Variants in TACR3 observed in about 807,000 individuals in gnomAD.
TACR3 encodes neuromedin-K receptor.
TACR3 carries 34 observed loss-of-function variants against 35.0 expected under a neutral mutation model. The ratio of observed to expected loss-of-function variants is 0.97; its 90% confidence interval spans 0.74 to 1.30. The LOEUF (loss-of-function observed/expected upper bound fraction) is 1.30, where lower values mean the gene tolerates loss of function less well. Among genes scored for constraint, TACR3 ranks in the 50% most tolerant of loss-of-function variants. The pLI is 0.00. For synonymous variants in TACR3, 233 were observed against 221.1 expected (o/e 1.05, Z -0.48); for missense variants, 558 against 591.7 (o/e 0.94, Z 0.59).
intron 1 of TACR3, among the ~76,000 whole-genome samples, chr4:103,679,297 T>G (rs1726238312): frequency 1.3e-5 from 2 of 152,036 alleles, no homozygotes; most frequent in Non-Finnish European, 2.9e-5. Context: ...TAGAACTGTG[T>G]GTATTTCTTT....
At chr4:103,598,304 G>GT (rs1276093389) in intron 3 of TACR3, among the ~76,000 whole-genome samples, 2 of 151,918 alleles carry the variant, frequency 1.3e-5, no homozygotes, top group African/African-American at 4.8e-5. Context: ...GAGGTTGTTT[G>GT]TTTTTTTCTT....
At chr4:103,655,796 A>T (rs1168656109) in intron 3 of TACR3, among the ~76,000 whole-genome samples, 2 of 152,100 alleles carry the variant, frequency 1.3e-5, no homozygotes, top group African/African-American at 2.4e-5. Flanking sequence ...TCTAGAAGAG[A>T]TGTCATTCCT....
At chr4:103,648,525 T>G (rs1725507811) in intron 3 of TACR3, among the ~76,000 whole-genome samples, 2 of 152,056 alleles carry the variant, frequency 1.3e-5, no homozygotes, top group African/African-American at 4.8e-5. Context: ...CACACGTAAG[T>G]GGGACCATAC....
chr4:103,638,616 T>C (rs1725256218), intron 3 of TACR3, among the ~76,000 whole-genome samples: 2 of 152,100 alleles, frequency 1.3e-5, no homozygotes, highest in African/African-American at 4.8e-5. Flanking sequence ...AAAAAGCTTC[T>C]ACACAGCAAA....
intron 3 of TACR3, among the ~76,000 whole-genome samples, chr4:103,629,169 C>A (rs1045592096): frequency 6.6e-6 from 1 of 152,054 alleles, no homozygotes; most frequent in Non-Finnish European, 1.5e-5. Flanking sequence ...TATGACAAAC[C>A]CACAGCCAAT....
At chr4:103,647,861 G>A (rs569031010) in intron 3 of TACR3, among the ~76,000 whole-genome samples, 42 of 151,984 alleles carry the variant, frequency 2.8e-4, no homozygotes, top group African/African-American at 8.2e-4. Context: ...AATAAAAATC[G>A]AGTGGGAGTA....
chr4:103,715,170 G>A (rs1416450366), intron 1 of TACR3, among the ~76,000 whole-genome samples: 4 of 152,134 alleles, frequency 2.6e-5, no homozygotes, highest in African/African-American at 4.8e-5. Context: ...TCTTTGATAT[G>A]GTTTGGATCT....
intron 3 of TACR3, among the ~76,000 whole-genome samples, chr4:103,601,335 A>G: frequency 6.6e-6 from 1 of 151,230 alleles, no homozygotes; most frequent in Admixed American, 6.5e-5. Context: ...TCTTGACGCT[A>G]TCCAATTTGC....
rs1723788268 is a variant in TACR3, at chr4:103,587,357, T to C, written c.*2325A>G. 6.6e-6 allele frequency: 1 copy of C among 152,118 alleles called. No individual in the cohort carries two copies. Among genetic ancestry groups the C allele is most frequent in the Non-Finnish European group, 1.5e-5 (1 of 68,012 alleles). The allele number at this position is 152,118 out of a possible 1,614,324, so 9.4% of individuals were successfully genotyped here. A position where few individuals can be genotyped will look rare whatever the true frequency, so the allele number is the denominator to read the frequency against. On this transcript the variant is annotated 3_prime_UTR_variant, in exon 5 of 5. Transcript: ENST00000304883. ...GTAGTGAGTGAATGATGCCAGTTTT[T>C]TTCTGGAAAGCATTGAAAAAATACT...
intron 1 of TACR3, among the ~76,000 whole-genome samples, chr4:103,689,727 C>T (rs554401082): frequency 6.6e-6 from 1 of 151,898 alleles, no homozygotes; most frequent in African/African-American, 2.4e-5. Context: ...CAAGCATATG[C>T]ATGATGGGAG....
In TACR3 at chr4:103,589,596, T is replaced by C; in HGVS notation, c.*86A>G. On this transcript the variant is annotated 3_prime_UTR_variant, in exon 5 of 5. Transcript: ENST00000304883. The stretch of plus-strand genomic sequence containing the variant: ...TTGCTTTCTGTTTCTAGAGGGTATA[T>C]AGGACAGGACTGGTAAATAGGAGAA... 1 of 1,512,974 alleles carries C rather than the reference T, an allele frequency of 6.6e-7. No individual in the cohort carries two copies. Among genetic ancestry groups the C allele is most frequent in the Non-Finnish European group, 9.1e-7 (1 of 1,093,748 alleles). 93.7% of individuals were successfully genotyped at this position (1,512,974 alleles called of 1,614,324 possible). A position where few individuals can be genotyped will look rare whatever the true frequency, so the allele number is the denominator to read the frequency against.
intron 1 of TACR3, among the ~76,000 whole-genome samples, chr4:103,697,612 G>C (rs1437975156): frequency 2.0e-5 from 3 of 151,848 alleles, no homozygotes; most frequent in South Asian, 4.2e-4. Context: ...TTTTAGTAGA[G>C]ATGGGGTTTC....
intron 1 of TACR3, among the ~76,000 whole-genome samples, chr4:103,682,882 TAAAGCCAGC>T (rs1399140214): frequency 1.3e-5 from 2 of 152,100 alleles, no homozygotes; most frequent in African/African-American, 4.8e-5. Flanking sequence ...CTTGATTTTT[TAAAGCCAGC>T]AACGAAGAAA....
chr4:103,680,564 A>AAT lies in TACR3; in HGVS notation c.549-22163_549-22162dup, dbSNP rs1371537560. 6.0e-5 allele frequency among the ~76,000 whole-genome samples: 9 copies of AAT among 149,802 alleles called. No individual in the cohort carries two copies. The Admixed American group carries it at 6.0e-4, about 10-fold the overall frequency. On this transcript the variant is annotated intron_variant, in intron 1 of 4. Transcript: ENST00000304883. ...ATATATACACATATATATATCACTT[A>AAT]ATATATATATTTCTCATTATTGTCA...
At chr4:103,658,649 T>C (rs908919740) in intron 1 of TACR3, among the ~76,000 whole-genome samples, 3 of 152,140 alleles carry the variant, frequency 2.0e-5, no homozygotes, top group African/African-American at 7.2e-5. Flanking sequence ...CTCAGCTTTA[T>C]TATTTTTAAA....
chr4:103,625,498 T>G (rs1034073001), intron 3 of TACR3, among the ~76,000 whole-genome samples: 5 of 152,098 alleles, frequency 3.3e-5, no homozygotes, highest in African/African-American at 1.2e-4. Flanking sequence ...GAGTAAAATA[T>G]TCAAGTCAGG....
At chr4:103,616,550 T>C (rs1724665609) in intron 3 of TACR3, among the ~76,000 whole-genome samples, 3 of 152,146 alleles carry the variant, frequency 2.0e-5, no homozygotes, top group African/African-American at 4.8e-5. Context: ...GAAACCCTAA[T>C]TTTCCCAGGT....
In TACR3 at chr4:103,587,173, G is replaced by A. The variant is rs1723784912; in HGVS notation, c.*2509C>T. 1 of 151,996 alleles carries A rather than the reference G, an allele frequency of 6.6e-6. No homozygotes were observed. The highest frequency in any genetic ancestry group is 1.5e-5 in the Non-Finnish European group (1 of 67,992). The allele number at this position is 151,996 out of a possible 1,614,324, so 9.4% of individuals were successfully genotyped here. ...ACTTTATTTAAAAATGAATCTCACT[G>A]AATTTGATTTTGTGCATTATTCTGT... On this transcript the variant is annotated 3_prime_UTR_variant, in exon 5 of 5. Transcript: ENST00000304883.
chr4:103,647,628 T>C (rs1028481536), intron 3 of TACR3, among the ~76,000 whole-genome samples: 2 of 151,862 alleles, frequency 1.3e-5, no homozygotes, highest in Non-Finnish European at 2.9e-5. Context: ...CAATTGTTAT[T>C]CTATATTTTG....
Sources: gnomAD v4.1 joint callset for allele counts (sites outside exome capture counted in the v4.1 genomes callset) on GRCh38, gnomAD v4.1.1 for gene constraint, MANE v1.5 for transcripts, NCBI Gene and HGNC (gene_info 2026-07-23, HGNC 2026-07-21) for gene names.